The following LYRM9 variants were observed in gnomAD, a reference collection of about 807,000 sequenced individuals.
The protein encoded by LYRM9 is LYR motif-containing protein 9.
LYRM9 carries 14 observed loss-of-function variants against 12.6 expected under a neutral mutation model. That is an observed-to-expected ratio of 1.11 (90% CI 0.73 to 1.73). LYRM9 has a LOEUF of 1.73. Among genes scored for constraint, LYRM9 ranks in the 40% most tolerant of loss-of-function variants. The probability of loss-of-function intolerance (pLI) is 0.00; values close to 1 mark genes in which losing one functional copy is unlikely to be tolerated. For missense variants in LYRM9, 94 were observed against 95.0 expected (o/e 0.99, Z 0.04); for synonymous variants, 42 against 35.1 (o/e 1.20, Z -0.69).
chr17:27,880,488 T>A, intron 2 of LYRM9, 122 bp from the exon 3 acceptor site: 1 of 657,320 alleles, frequency 1.5e-6, no homozygotes, highest in Admixed American at 2.5e-5. Context: ...CTCTTCATCC[T>A]CCATAGACTG....
At chr17:27,884,151 T>C (rs1272659518) in intron 1 of LYRM9, among the ~76,000 whole-genome samples, 1 of 152,014 alleles carries the variant, frequency 6.6e-6, no homozygotes, top group African/African-American at 2.4e-5. Context: ...CATTCTTCTC[T>C]GTATTAACAC....
chr17:27,891,381 T>A (rs1905439068), intron 1 of LYRM9, among the ~76,000 whole-genome samples: 1 of 152,204 alleles, frequency 6.6e-6, no homozygotes, highest in Non-Finnish European at 1.5e-5. Flanking sequence ...TCCCCATCTG[T>A]CAATGCGGTC....
intron 1 of LYRM9, chr17:27,892,367 G>T (rs1388811220): frequency 2.2e-6 from 1 of 453,456 alleles, no homozygotes; most frequent in South Asian, 1.6e-5. Flanking sequence ...ATATATATAC[G>T]GTTATTAGTC....
chr17:27,885,249 C>T (rs1362459167), intron 1 of LYRM9, among the ~76,000 whole-genome samples: 2 of 152,206 alleles, frequency 1.3e-5, no homozygotes, highest in African/African-American at 4.8e-5. Flanking sequence ...TGCATCGCAA[C>T]ACCTCTGCAG....
In LYRM9 at chr17:27,879,231, A is replaced by C. The variant is rs138074559; in HGVS notation, c.*242T>G. On this transcript the variant is annotated 3_prime_UTR_variant, in exon 4 of 4. Transcript: ENST00000379102. ...CACAAAAATAAAAAACACACAAAAG[A>C]AGCAAAAAAATACTACATTCTCCCC... 7.5e-4 allele frequency: 338 copies of C among 449,566 alleles called. 5 individuals are homozygous for C. The highest frequency in any genetic ancestry group is 5.3e-3 in the African/African-American group (261 of 49,056). The allele number at this position is 449,566 out of a possible 1,614,324, so 27.8% of individuals were successfully genotyped here. A position where few individuals can be genotyped will look rare whatever the true frequency, so the allele number is the denominator to read the frequency against.
chr17:27,882,007 A>G (rs531257933), intron 2 of LYRM9, among the ~76,000 whole-genome samples: 1 of 152,254 alleles, frequency 6.6e-6, no homozygotes, highest in South Asian at 2.1e-4. Context: ...TGCCTGCCTT[A>G]GCTTCCCAAA....
At chr17:27,887,792 G>C (rs1391270060) in intron 1 of LYRM9, among the ~76,000 whole-genome samples, 1 of 151,334 alleles carries the variant, frequency 6.6e-6, no homozygotes, top group Non-Finnish European at 1.5e-5. Context: ...ACCATGAACT[G>C]GCTCATGCAA....
At chr17:27,880,768 G>A (rs1260242254) in intron 2 of LYRM9, 2 of 213,566 alleles carry the variant, frequency 9.4e-6, no homozygotes, top group Non-Finnish European at 1.9e-5. Context: ...CAGGGAGGAA[G>A]AAGTAGGACT....
At chr17:27,880,921 C>A (rs1451292409) in intron 2 of LYRM9, 1 of 152,978 alleles carries the variant, frequency 6.5e-6, no homozygotes, top group Non-Finnish European at 1.5e-5. Context: ...TGAGAAGCAA[C>A]CTAAGATTCA....
intron 3 of LYRM9, chr17:27,879,911 G>A: frequency 1.7e-6 from 1 of 593,128 alleles, no homozygotes; most frequent in Non-Finnish European, 3.0e-6. Context: ...ACCCCCCAGA[G>A]ACAGGGAGTC....
chr17:27,888,331 G>A (rs1291570383), intron 1 of LYRM9, among the ~76,000 whole-genome samples: 3 of 152,190 alleles, frequency 2.0e-5, no homozygotes, highest in African/African-American at 7.2e-5. Flanking sequence ...CTCTAGGTCA[G>A]GCCTCTAGTT....
intron 2 of LYRM9, chr17:27,880,626 GCCC>G: frequency 1.9e-6 from 1 of 523,694 alleles, no homozygotes. Context: ...AAAAAGACTG[GCCC>G]CCAAGTTACT....
In LYRM9 at chr17:27,882,714, TGGAAAACAA is replaced by T. The variant is rs1905105386; in HGVS notation, c.-18-11_-18-3del. ...GGCCATCCGTGAGACCCTCTGTCCCTGGAAAACAAGCAGGATCACTTCCAGGGCATCAAG... is the reference window on the plus strand; with the variant it reads ...GGCCATCCGTGAGACCCTCTGTCCCTGCAGGATCACTTCCAGGGCATCAAG... On this transcript the variant is annotated splice_polypyrimidine_tract_variant and splice_region_variant and intron_variant, in intron 1 of 3. Transcript: ENST00000379102. 6.3e-7 allele frequency: 1 copy of T among 1,583,988 alleles called. No individual in the cohort carries two copies. Among genetic ancestry groups the T allele is most frequent in the Non-Finnish European group, 8.6e-7 (1 of 1,164,998 alleles).
chr17:27,884,117 T>G (rs1248295136), intron 1 of LYRM9, among the ~76,000 whole-genome samples: 1 of 142,518 alleles, frequency 7.0e-6, no homozygotes, highest in Non-Finnish European at 1.5e-5. Flanking sequence ...TACAGCAAGC[T>G]CTCTTTTGTG....
At chr17:27,887,004 T>C (rs1597594028) in intron 1 of LYRM9, among the ~76,000 whole-genome samples, 1 of 152,096 alleles carries the variant, frequency 6.6e-6, no homozygotes, top group African/African-American at 2.4e-5. Flanking sequence ...CTCATATTTT[T>C]CCCTTCCTCT....
intron 1 of LYRM9, among the ~76,000 whole-genome samples, chr17:27,885,941 G>T (rs1286735298): frequency 6.6e-6 from 1 of 152,130 alleles, no homozygotes; most frequent in South Asian, 2.1e-4. Flanking sequence ...GGACAGGACA[G>T]GGCTTCTCAA....
At chr17:27,888,234 C>A (rs1391381031) in intron 1 of LYRM9, among the ~76,000 whole-genome samples, 6 of 152,200 alleles carry the variant, frequency 3.9e-5, no homozygotes, top group Non-Finnish European at 1.5e-5. Context: ...ACACTCAGCT[C>A]TGTGGTCTGG....
intron 1 of LYRM9, among the ~76,000 whole-genome samples, chr17:27,887,398 A>G (rs1366967005): frequency 1.3e-5 from 2 of 152,238 alleles, no homozygotes; most frequent in East Asian, 3.8e-4. Flanking sequence ...TTTTTTATGT[A>G]TCAAATTGAA....
intron 1 of LYRM9, chr17:27,892,468 A>T (rs1392013919): frequency 4.4e-6 from 2 of 451,072 alleles, no homozygotes; most frequent in African/African-American, 2.0e-5. Flanking sequence ...TAAAGCCAGC[A>T]GGAAACTGTC....
Sources: allele counts gnomAD v4.1 joint callset (sites outside exome capture counted in the v4.1 genomes callset), GRCh38; gene constraint gnomAD v4.1.1; transcripts MANE v1.5; gene names NCBI Gene and HGNC (gene_info 2026-07-23, HGNC 2026-07-21).